MSRA: variants seen among roughly 807,000 people sequenced by gnomAD.
MSRA encodes the protein methionine sulfoxide reductase A.
A neutral mutation model predicts 31.3 loss-of-function variants in MSRA; 54 were observed. The observed-to-expected ratio is 1.73, with a 90% confidence interval of 1.39 to 2.17. MSRA has a LOEUF of 2.17. Ranked by LOEUF, MSRA falls within the 30% of genes most tolerant of loss-of-function variation. The pLI is 0.00. For synonymous variants in MSRA, 169 were observed against 116.5 expected (o/e 1.45, Z -2.90); for missense variants, 507 against 300.9 (o/e 1.69, Z -5.07).
At chr8:10,134,350 T>C (rs1446722434) in intron 1 of MSRA, among the ~76,000 whole-genome samples, 1 of 152,200 alleles carries the variant, frequency 6.6e-6, no homozygotes, top group Non-Finnish European at 1.5e-5. Flanking sequence ...AGCACAACAC[T>C]TGACATTCTC....
chr8:10,238,562 G>A (rs914841224), intron 2 of MSRA, among the ~76,000 whole-genome samples: 1 of 152,172 alleles, frequency 6.6e-6, no homozygotes, highest in Non-Finnish European at 1.5e-5. Context: ...TAGGATTGGT[G>A]CAGGAATAGA....
intron 5 of MSRA, among the ~76,000 whole-genome samples, chr8:10,373,166 C>T (rs1175223921): frequency 1.3e-5 from 2 of 152,230 alleles, no homozygotes; most frequent in Non-Finnish European, 2.9e-5. Flanking sequence ...GTAGGGATTA[C>T]AAGCGTGAGC....
intron 2 of MSRA, among the ~76,000 whole-genome samples, chr8:10,209,359 G>A (rs892442345): frequency 1.3e-5 from 2 of 152,150 alleles, no homozygotes; most frequent in Non-Finnish European, 2.9e-5. Flanking sequence ...TTGGGAAATA[G>A]TAAATGACAC....
intron 5 of MSRA, among the ~76,000 whole-genome samples, chr8:10,384,846 A>C (rs138971395): frequency 1.7e-4 from 26 of 152,150 alleles, no homozygotes; most frequent in African/African-American, 6.3e-4. Flanking sequence ...TTTGTCTCCA[A>C]AAAAAATTAG....
chr8:10,378,065 G>A (rs921809161), intron 5 of MSRA, among the ~76,000 whole-genome samples: 1 of 152,224 alleles, frequency 6.6e-6, no homozygotes, highest in African/African-American at 2.4e-5. Context: ...CTTTATCAGT[G>A]GCTCGACATT....
At chr8:10,274,607 T>C (rs1365404962) in intron 3 of MSRA, among the ~76,000 whole-genome samples, 1 of 152,192 alleles carries the variant, frequency 6.6e-6, no homozygotes, top group Non-Finnish European at 1.5e-5. Context: ...GCTGTATATA[T>C]AGAGGTCAGC....
intron 3 of MSRA, among the ~76,000 whole-genome samples, chr8:10,267,560 G>A (rs1798811531): frequency 2.0e-5 from 3 of 152,094 alleles, no homozygotes; most frequent in Non-Finnish European, 2.9e-5. Context: ...ATTTGTCCCG[G>A]GGAATTACTA....
intron 2 of MSRA, among the ~76,000 whole-genome samples, chr8:10,209,127 G>A (rs565297430): frequency 3.3e-5 from 5 of 152,334 alleles, no homozygotes; most frequent in Admixed American, 3.3e-4. Context: ...AAATTTAAAT[G>A]GAGAAGTTGA....
At chr8:10,129,611 C>G (rs893074529) in intron 1 of MSRA, among the ~76,000 whole-genome samples, 2 of 152,038 alleles carry the variant, frequency 1.3e-5, no homozygotes, top group Admixed American at 1.3e-4. Flanking sequence ...GCTTAGAGCA[C>G]AGCATGCATG....
At chr8:10,260,891 G>C (rs1354988012) in intron 3 of MSRA, among the ~76,000 whole-genome samples, 1 of 152,164 alleles carries the variant, frequency 6.6e-6, no homozygotes, top group East Asian at 1.9e-4. Context: ...ATAACATTTG[G>C]ATATTTGATA....
At chr8:10,277,077 G>A (rs1367774601) in intron 3 of MSRA, among the ~76,000 whole-genome samples, 2 of 152,080 alleles carry the variant, frequency 1.3e-5, no homozygotes, top group Non-Finnish European at 2.9e-5. Context: ...TTGAGACCTA[G>A]ATTTTAATAA....
At chr8:10,168,621 G>A (rs2046397) in intron 1 of MSRA, among the ~76,000 whole-genome samples, 64,312 of 152,028 alleles carry the variant, frequency 0.42, 16,508 homozygotes, top group African/African-American at 0.71. Context: ...GATCAAGAAA[G>A]TGAAGCTCAG....
chr8:10,145,141 C>T (rs1803031019), intron 1 of MSRA, among the ~76,000 whole-genome samples: 1 of 152,174 alleles, frequency 6.6e-6, no homozygotes, highest in East Asian at 1.9e-4. Flanking sequence ...TCTAATTTTT[C>T]ACTGGCGGAG....
At chr8:10,242,032 G>A (rs1797355510) in intron 2 of MSRA, among the ~76,000 whole-genome samples, 1 of 152,120 alleles carries the variant, frequency 6.6e-6, no homozygotes, top group Non-Finnish European at 1.5e-5. Context: ...AGCACTTTGG[G>A]AGGCGGAGGG....
At chr8:10,279,144 G>C (rs927147857) in intron 3 of MSRA, among the ~76,000 whole-genome samples, 4 of 152,154 alleles carry the variant, frequency 2.6e-5, no homozygotes, top group African/African-American at 9.7e-5. Context: ...TTGCGTATCT[G>C]CTGGAGCCTC....
chr8:10,412,574 T>A (rs1010245171), intron 5 of MSRA, among the ~76,000 whole-genome samples: 4 of 152,140 alleles, frequency 2.6e-5, no homozygotes, highest in Non-Finnish European at 5.9e-5. Context: ...TTTGGAATAT[T>A]TAGAGAACCC....
At chr8:10,321,300 T>A (rs7838059) in intron 5 of MSRA, among the ~76,000 whole-genome samples, 122,216 of 152,084 alleles carry the variant, frequency 0.8, 49,634 homozygotes, top group East Asian at 1. Context: ...TGTTAGAATT[T>A]TGTAAAAAGT....
chr8:10,235,542 G>T (rs920307434), intron 2 of MSRA, among the ~76,000 whole-genome samples: 2 of 152,086 alleles, frequency 1.3e-5, no homozygotes, highest in Admixed American at 1.3e-4. Flanking sequence ...AGTAAAGAAA[G>T]AGCAGAAATA....
At chr8:10,135,797 C>G (rs1232721986) in intron 1 of MSRA, among the ~76,000 whole-genome samples, 1 of 152,194 alleles carries the variant, frequency 6.6e-6, no homozygotes, top group Non-Finnish European at 1.5e-5. Flanking sequence ...CTGGCAGACG[C>G]AGTTCTGGAA....
Sources: allele counts gnomAD v4.1 joint callset (sites outside exome capture counted in the v4.1 genomes callset), GRCh38; gene constraint gnomAD v4.1.1; transcripts MANE v1.5; gene names NCBI Gene and HGNC (gene_info 2026-07-23, HGNC 2026-07-21).